TTC13: variants seen among roughly 807,000 people sequenced by gnomAD.
The protein encoded by TTC13 is tetratricopeptide repeat protein 13.
TTC13 carries 62 observed loss-of-function variants against 120.0 expected under a neutral mutation model. The ratio of observed to expected loss-of-function variants is 0.52; its 90% CI spans 0.42 to 0.64. TTC13 has a LOEUF of 0.64. Ranked by LOEUF, TTC13 falls within the 30% of genes least tolerant of loss-of-function variation. The probability of loss-of-function intolerance (pLI) is 0.00; values close to 1 mark genes in which losing one functional copy is unlikely to be tolerated. For missense variants in TTC13, 824 were observed against 1,050.2 expected (o/e 0.78, Z 2.98); for synonymous variants, 384 against 393.5 (o/e 0.98, Z 0.28).
At chr1:230,976,511 G>C (rs937436959) in intron 1 of TTC13, among the ~76,000 whole-genome samples, 4 of 152,234 alleles carry the variant, frequency 2.6e-5, no homozygotes, top group African/African-American at 9.6e-5. Flanking sequence ...AACAGCTGGA[G>C]CTCCAAGTAG....
chr1:230,928,792 A>G, intron 12 of TTC13, 145 bp downstream of exon 12: 1 of 731,136 alleles, frequency 1.4e-6, no homozygotes, highest in Non-Finnish European at 2.2e-6. Context: ...TCACAGGCAC[A>G]AGGATAGTAT....
At chr1:230,914,171 G>A (rs1011685653) in intron 18 of TTC13, among the ~76,000 whole-genome samples, 1 of 152,006 alleles carries the variant, frequency 6.6e-6, no homozygotes, top group Non-Finnish European at 1.5e-5. Context: ...ACGTTTCAAG[G>A]GGAGAAATTT....
chr1:230,911,998 T>C (rs926070918), intron 19 of TTC13, among the ~76,000 whole-genome samples: 1 of 152,214 alleles, frequency 6.6e-6, no homozygotes, highest in African/African-American at 2.4e-5. Flanking sequence ...TGTTTAATTA[T>C]ATGGATGCAG....
At position 230,968,057 on chromosome 1, in the gene TTC13, C is replaced by T. The variant is rs542845042; in HGVS notation, c.272-6754G>A. On this transcript the variant is annotated intron_variant, in intron 1 of 22. Transcript: ENST00000366661. ...TCTTAAGTTCTCATGGCCTCTGGAGCTCTGCGCATGCCTCTCATTCACAAC... is the reference window on the plus strand; with the variant it reads ...TCTTAAGTTCTCATGGCCTCTGGAGTTCTGCGCATGCCTCTCATTCACAAC... 1.2e-3 allele frequency among the ~76,000 whole-genome samples: 181 copies of T among 152,228 alleles called. 1 individual carries two copies. The highest frequency in any genetic ancestry group is 1.9e-3 in the Non-Finnish European group (128 of 68,030).
At chr1:230,927,377 A>G (rs1468777139) in intron 12 of TTC13, among the ~76,000 whole-genome samples, 1 of 152,144 alleles carries the variant, frequency 6.6e-6, no homozygotes, top group Non-Finnish European at 1.5e-5. Flanking sequence ...AATCTCCCTT[A>G]TGACCAATAT....
chr1:230,949,279 A>G (rs1315593860), intron 4 of TTC13, among the ~76,000 whole-genome samples: 1 of 151,194 alleles, frequency 6.6e-6, no homozygotes, highest in South Asian at 2.1e-4. Context: ...TCAATGGAAA[A>G]CAAGAGCCCG....
intron 1 of TTC13, among the ~76,000 whole-genome samples, chr1:230,972,315 T>G (rs753518240): frequency 7.9e-5 from 12 of 152,242 alleles, no homozygotes; most frequent in Non-Finnish European, 1.8e-4. Context: ...TTGTTCAGCT[T>G]ATGAAAACGT....
intron 16 of TTC13, among the ~76,000 whole-genome samples, chr1:230,920,987 T>C (rs866277546): frequency 6.6e-6 from 1 of 152,212 alleles, no homozygotes; most frequent in South Asian, 2.1e-4. Flanking sequence ...GCTGCTCAAA[T>C]GAAAGTATTC....
At chr1:230,977,048 C>T (rs13374343) in intron 1 of TTC13, among the ~76,000 whole-genome samples, 16,119 of 152,174 alleles carry the variant, frequency 0.11, 909 homozygotes, top group South Asian at 0.17. Context: ...AGGACAAAGG[C>T]TTTGTCTGGA....
At chr1:230,959,377 A>G (rs1331939028) in intron 2 of TTC13, among the ~76,000 whole-genome samples, 1 of 147,362 alleles carries the variant, frequency 6.8e-6, no homozygotes, top group Non-Finnish European at 1.5e-5. Context: ...GTACAAACAA[A>G]TCAAATTCTT....
intron 1 of TTC13, among the ~76,000 whole-genome samples, chr1:230,968,877 A>G (rs1178628571): frequency 6.6e-6 from 1 of 152,222 alleles, no homozygotes; most frequent in Non-Finnish European, 1.5e-5. Flanking sequence ...GCATGTAGTT[A>G]AGAAAGTCCA....
rs115802352 is a variant in TTC13, at chr1:230,970,569, C to G, written c.271+7991G>C. Among the ~76,000 whole-genome samples, 1,299 of 152,278 alleles carry G rather than the reference C, an allele frequency of 8.5e-3. 12 individuals carry two copies. The highest frequency in any genetic ancestry group is 0.041 in the South Asian group (197 of 4,816). On this transcript the variant is annotated intron_variant, in intron 1 of 22. Coordinates refer to ENST00000366661, the MANE Select transcript of TTC13 (RefSeq NM_024525.5). Reference sequence around the variant, plus strand: ...AAGGCAAAATCTACCAGTCCATCTGCGGGCAGGCCAGTAGCTGGGGTGGTG... The same window carrying G: ...AAGGCAAAATCTACCAGTCCATCTGGGGGCAGGCCAGTAGCTGGGGTGGTG...
chr1:230,921,213 A>G (rs1266172056), intron 16 of TTC13, among the ~76,000 whole-genome samples: 1 of 152,218 alleles, frequency 6.6e-6, no homozygotes, highest in Non-Finnish European at 1.5e-5. Context: ...AGTGCACATA[A>G]AGTTAAAAAC....
intron 3 of TTC13, among the ~76,000 whole-genome samples, chr1:230,956,937 A>C (rs1676140278): frequency 6.6e-6 from 1 of 152,180 alleles, no homozygotes; most frequent in South Asian, 2.1e-4. Flanking sequence ...CATTTTTTTC[A>C]AGAAAAAATA....
At chr1:230,975,028 A>G (rs1678131976) in intron 1 of TTC13, among the ~76,000 whole-genome samples, 1 of 152,166 alleles carries the variant, frequency 6.6e-6, no homozygotes, top group Admixed American at 6.5e-5. Flanking sequence ...TCCTGGCTCT[A>G]CTCTTTACTG....
intron 1 of TTC13, among the ~76,000 whole-genome samples, chr1:230,976,550 C>T (rs1436730298): frequency 6.6e-6 from 1 of 152,136 alleles, no homozygotes; most frequent in Non-Finnish European, 1.5e-5. Flanking sequence ...TCTTGGGTGA[C>T]CACAGCGGCA....
At chr1:230,911,774 T>A (rs1671532819) in intron 19 of TTC13, among the ~76,000 whole-genome samples, 1 of 152,216 alleles carries the variant, frequency 6.6e-6, no homozygotes, top group Admixed American at 6.5e-5. Context: ...TTTCTTAAAC[T>A]GCAACTCTTG....
intron 1 of TTC13, among the ~76,000 whole-genome samples, chr1:230,976,770 C>T (rs1358852757): frequency 2.0e-5 from 3 of 152,170 alleles, no homozygotes; most frequent in Non-Finnish European, 2.9e-5. Context: ...AGGGAAATAT[C>T]GTAATACAAG....
intron 17 of TTC13, among the ~76,000 whole-genome samples, chr1:230,918,454 A>G (rs1383754922): frequency 6.6e-6 from 1 of 152,190 alleles, no homozygotes; most frequent in Non-Finnish European, 1.5e-5. Context: ...ACTGAGATAC[A>G]CTGTGTGGAC....
Sources: gnomAD v4.1 joint callset for allele counts (sites outside exome capture counted in the v4.1 genomes callset) on GRCh38, gnomAD v4.1.1 for gene constraint, MANE v1.5 for transcripts, NCBI Gene and HGNC (gene_info 2026-07-23, HGNC 2026-07-21) for gene names.